Variants in FBXL7 observed in about 807,000 individuals in gnomAD.
The protein encoded by FBXL7 is F-box and leucine rich repeat protein 7.
Under a neutral mutation model 38.3 loss-of-function variants are expected in FBXL7, and 12 were observed. The observed-to-expected ratio is 0.31, with a 90% CI of 0.20 to 0.51. The LOEUF is 0.51. FBXL7 is among the 20% of genes least tolerant of loss of function. The probability of loss-of-function intolerance (pLI) is 0.98; values close to 1 mark genes in which losing one functional copy is unlikely to be tolerated. For missense variants in FBXL7, 567 were observed against 676.4 expected, an observed-to-expected ratio of 0.84 and a Z score of 1.79; for synonymous variants, 297 against 300.9, an observed-to-expected ratio of 0.99 and a Z score of 0.13.
intron 2 of FBXL7, among the ~76,000 whole-genome samples, chr5:15,913,373 G>A (rs1398598473): frequency 2.6e-5 from 4 of 151,844 alleles, no homozygotes; most frequent in African/African-American, 9.7e-5. Flanking sequence ...ACCCACTAAC[G>A]ATCATATTTT....
intron 2 of FBXL7, among the ~76,000 whole-genome samples, chr5:15,643,830 A>G (rs1741443556): frequency 6.6e-6 from 1 of 152,210 alleles, no homozygotes; most frequent in African/African-American, 2.4e-5. Context: ...TTGGCTGTAG[A>G]GGTGGCTCCT....
At chr5:15,668,606 C>T (rs1054053631) in intron 2 of FBXL7, among the ~76,000 whole-genome samples, 1 of 152,108 alleles carries the variant, frequency 6.6e-6, no homozygotes, top group Non-Finnish European at 1.5e-5. Flanking sequence ...TGAGCAGCCA[C>T]CTTGGACCAT....
intron 3 of FBXL7, among the ~76,000 whole-genome samples, chr5:15,933,206 T>C (rs1315001541): frequency 6.6e-6 from 1 of 152,206 alleles, no homozygotes; most frequent in Non-Finnish European, 1.5e-5. Context: ...AAATCTAAAA[T>C]TATTGATCTA....
At chr5:15,530,496 G>A (rs1444324823) in intron 1 of FBXL7, among the ~76,000 whole-genome samples, 1 of 152,162 alleles carries the variant, frequency 6.6e-6, no homozygotes, top group Admixed American at 6.5e-5. Flanking sequence ...TTATGTTGGA[G>A]TTTTGGTCAA....
chr5:15,877,028 A>T (rs1480024237), intron 2 of FBXL7, among the ~76,000 whole-genome samples: 2 of 152,196 alleles, frequency 1.3e-5, no homozygotes, highest in African/African-American at 4.8e-5. Context: ...CTTTTTCTAG[A>T]TATCAGCGTT....
chr5:15,541,398 A>G (rs1475723744), intron 1 of FBXL7, among the ~76,000 whole-genome samples: 1 of 136,528 alleles, frequency 7.3e-6, no homozygotes, highest in Non-Finnish European at 1.5e-5. Context: ...ACATATATCC[A>G]TATATATGTG....
At chr5:15,704,345 T>TG (rs1486904310) in intron 2 of FBXL7, among the ~76,000 whole-genome samples, 1 of 152,190 alleles carries the variant, frequency 6.6e-6, no homozygotes, top group Non-Finnish European at 1.5e-5. Context: ...GGCTCTATAA[T>TG]TCAATGGTAG....
chr5:15,916,200 T>G lies in FBXL7; in HGVS notation c.128-11690T>G, dbSNP rs114377336. Among the ~76,000 whole-genome samples the G allele has an allele frequency of 5.6e-3, 856 of 152,310 alleles. 9 individuals carry two copies. Among genetic ancestry groups the G allele is most frequent in the African/African-American group, 0.02 (824 of 41,564 alleles). On this transcript the variant is annotated intron_variant, in intron 2 of 3. Transcript: ENST00000504595. ...GCCTGTGCTATGTAAAATACTGTTT[T>G]GTGGCTGCTGAGCTCTTGAAATGTG...
At chr5:15,713,560 C>A (rs1743947522) in intron 2 of FBXL7, among the ~76,000 whole-genome samples, 1 of 152,150 alleles carries the variant, frequency 6.6e-6, no homozygotes, top group South Asian at 2.1e-4. Flanking sequence ...ATTCATGATA[C>A]CCTGTCTTAT....
chr5:15,743,133 C>T (rs1210967011), intron 2 of FBXL7, among the ~76,000 whole-genome samples: 1 of 152,142 alleles, frequency 6.6e-6, no homozygotes, highest in Non-Finnish European at 1.5e-5. Flanking sequence ...AAACTCATGT[C>T]ATCACACACT....
rs1466486806 is a variant in FBXL7 at position 15,938,938 on chromosome 5, T to A, written c.*1752T>A. On this transcript the variant is annotated 3_prime_UTR_variant, in exon 4 of 4. Transcript: ENST00000504595. ...TTACGTTGAAATCCCTCATTTATTTTCTTCTCAAAATGCCCATTATCCAAA... is the reference window on the plus strand; with the variant it reads ...TTACGTTGAAATCCCTCATTTATTTACTTCTCAAAATGCCCATTATCCAAA... The A allele has an allele frequency of 2.5e-6, 1 of 398,944 alleles. No individual in the cohort carries two copies. Among genetic ancestry groups the A allele is most frequent in the East Asian group, 3.6e-5 (1 of 28,080 alleles). 24.7% of individuals were successfully genotyped at this position (398,944 alleles called of 1,614,324 possible).
chr5:15,571,876 A>G (rs1738799347), intron 1 of FBXL7, among the ~76,000 whole-genome samples: 1 of 152,058 alleles, frequency 6.6e-6, no homozygotes, highest in South Asian at 2.1e-4. Flanking sequence ...CATCTGGGGT[A>G]GTGGTGGGGT....
intron 2 of FBXL7, among the ~76,000 whole-genome samples, chr5:15,646,771 A>G (rs191330064): frequency 6.6e-6 from 1 of 152,246 alleles, no homozygotes; most frequent in African/African-American, 2.4e-5. Flanking sequence ...GTTCTGGACT[A>G]TATGAGTCTC....
intron 2 of FBXL7, among the ~76,000 whole-genome samples, chr5:15,786,794 C>T (rs1005145144): frequency 4.6e-5 from 7 of 152,094 alleles, no homozygotes; most frequent in Admixed American, 3.9e-4. Context: ...AATGAGTGAA[C>T]GACGCCTCTT....
intron 2 of FBXL7, among the ~76,000 whole-genome samples, chr5:15,881,938 C>T (rs1054988133): frequency 2.0e-5 from 3 of 152,132 alleles, no homozygotes; most frequent in Admixed American, 1.3e-4. Flanking sequence ...GGCATCTGCT[C>T]ACCTTCTGGG....
chr5:15,610,652 C>CA (rs1425398362), intron 1 of FBXL7, among the ~76,000 whole-genome samples: 1 of 152,144 alleles, frequency 6.6e-6, no homozygotes, highest in East Asian at 1.9e-4. Context: ...AGAAGCAGGG[C>CA]AGAAGAGCAT....
chr5:15,701,956 C>T (rs1023388232), intron 2 of FBXL7, among the ~76,000 whole-genome samples: 4 of 152,102 alleles, frequency 2.6e-5, no homozygotes, highest in African/African-American at 9.7e-5. Context: ...AACATGGCTC[C>T]AGCCAGGTGC....
At chr5:15,607,713 G>A (rs1740077469) in intron 1 of FBXL7, among the ~76,000 whole-genome samples, 1 of 152,214 alleles carries the variant, frequency 6.6e-6, no homozygotes, top group African/African-American at 2.4e-5. Flanking sequence ...TGAGTTAATA[G>A]TGTGTCCCAT....
At chr5:15,776,405 A>G (rs769647946) in intron 2 of FBXL7, among the ~76,000 whole-genome samples, 74 of 152,132 alleles carry the variant, frequency 4.9e-4, no homozygotes, top group Non-Finnish European at 9.1e-4. Flanking sequence ...TATAAATGCA[A>G]TCTGAAGAGA....
Sources: gnomAD v4.1 joint callset for allele counts (sites outside exome capture counted in the v4.1 genomes callset) on GRCh38, gnomAD v4.1.1 for gene constraint, MANE v1.5 for transcripts, NCBI Gene and HGNC (gene_info 2026-07-23, HGNC 2026-07-21) for gene names.